The following FAM193A variants were observed in gnomAD, a reference collection of about 807,000 sequenced individuals.
The protein encoded by FAM193A is protein FAM193A.
A neutral mutation model predicts 126.5 loss-of-function variants in FAM193A; 22 were observed. The ratio of observed to expected loss-of-function variants is 0.17; its 90% CI spans 0.12 to 0.25. FAM193A has a LOEUF of 0.25. Ranked by LOEUF, FAM193A falls within the 10% of genes least tolerant of loss-of-function variation. The probability of loss-of-function intolerance (pLI) is 1.00; values close to 1 mark genes in which losing one functional copy is unlikely to be tolerated. For missense variants in FAM193A, 1,675 were observed against 1,672.8 expected, an observed-to-expected ratio of 1.00 and a Z score of -0.02; for synonymous variants, 761 against 646.8, an observed-to-expected ratio of 1.18 and a Z score of -2.68.
chr4:2,589,233 A>T (rs1420476921), intron 1 of FAM193A, among the ~76,000 whole-genome samples: 1 of 152,268 alleles, frequency 6.6e-6, no homozygotes, highest in Non-Finnish European at 1.5e-5. Flanking sequence ...ATGTAACTAT[A>T]GTTCCAGCAA....
intron 6 of FAM193A, among the ~76,000 whole-genome samples, chr4:2,640,275 C>G (rs1402264095): frequency 2.6e-5 from 4 of 152,158 alleles, no homozygotes; most frequent in African/African-American, 9.7e-5. Flanking sequence ...CCCACACATT[C>G]CGTTGCTACC....
chr4:2,622,003 C>A (rs1277060051), intron 2 of FAM193A, among the ~76,000 whole-genome samples: 1 of 152,008 alleles, frequency 6.6e-6, no homozygotes, highest in Non-Finnish European at 1.5e-5. Context: ...GCCTGTAATC[C>A]CAGCACTTTG....
At chr4:2,539,412 A>T in intron 1 of FAM193A, among the ~76,000 whole-genome samples, 1 of 152,182 alleles carries the variant, frequency 6.6e-6, no homozygotes, top group East Asian at 1.9e-4. Flanking sequence ...TTAAACTAGT[A>T]TGCATCAGGG....
chr4:2,553,903 C>T (rs1738100460), intron 1 of FAM193A, among the ~76,000 whole-genome samples: 1 of 152,026 alleles, frequency 6.6e-6, no homozygotes, highest in Non-Finnish European at 1.5e-5. Flanking sequence ...CTCTTTTTGC[C>T]TGCCACCATC....
chr4:2,631,135 C>T lies in FAM193A; in HGVS notation c.1004C>T (p.Ala335Val). 1 of 1,612,914 alleles carries T rather than the reference C, an allele frequency of 6.2e-7. No individual in the cohort carries two copies. The highest frequency in any genetic ancestry group is 8.5e-7 in the Non-Finnish European group (1 of 1,179,526). Reference protein sequence around the residue: ...LLEEYGALCQAARSISTFLGT... With the variant: ...LLEEYGALCQVARSISTFLGT... ...GAGGAGTACGGCGCCCTCTGCCAGG[C>T]CGCACGCTCCATCAGCACCTTCCTT... is the stretch of plus-strand genomic sequence containing the variant. The change falls in exon 5 of 21, where the codon GCC becomes GTC. Residue 335 changes from alanine to valine, a missense_variant. Around this residue, in one of 4 missense-constraint regions of FAM193A, gnomAD observed 1,186 missense variants for 1,109.2 expected, o/e 1.07. Transcript: ENST00000637812.
chr4:2,655,781 A>AG (rs1174714400), intron 7 of FAM193A, among the ~76,000 whole-genome samples: 1 of 152,006 alleles, frequency 6.6e-6, no homozygotes, highest in Non-Finnish European at 1.5e-5. Flanking sequence ...GGAAAAAAAA[A>AG]TTAGCCAGGT....
intron 7 of FAM193A, among the ~76,000 whole-genome samples, chr4:2,652,824 G>A (rs1745803188): frequency 6.6e-6 from 1 of 152,172 alleles, no homozygotes; most frequent in Non-Finnish European, 1.5e-5. Flanking sequence ...GGTGACTTCA[G>A]AAAAATAGTA....
chr4:2,561,520 C>T (rs1299425603), intron 1 of FAM193A, among the ~76,000 whole-genome samples: 3 of 110,770 alleles, frequency 2.7e-5, no homozygotes, highest in Non-Finnish European at 3.7e-5. Context: ...TTTTTGAGAC[C>T]GAGTCTCACT....
At chr4:2,650,201 C>G (rs749410694) in intron 7 of FAM193A, among the ~76,000 whole-genome samples, 1 of 152,170 alleles carries the variant, frequency 6.6e-6, no homozygotes, top group African/African-American at 2.4e-5. Flanking sequence ...CTTGAATCAT[C>G]CCAGAACCAT....
intron 1 of FAM193A, among the ~76,000 whole-genome samples, chr4:2,565,902 A>C (rs868391439): frequency 2.6e-5 from 4 of 152,192 alleles, no homozygotes; most frequent in African/African-American, 9.6e-5. Context: ...TTTTACATAA[A>C]GGTAAGTGGT....
intron 18 of FAM193A, among the ~76,000 whole-genome samples, chr4:2,697,654 G>A (rs1717187766): frequency 1.3e-5 from 2 of 152,352 alleles, no homozygotes; most frequent in South Asian, 4.1e-4. Context: ...GTTGTTACTT[G>A]TATCTTAGCT....
At chr4:2,606,054 T>TC (rs1367367890) in intron 2 of FAM193A, among the ~76,000 whole-genome samples, 2 of 115,042 alleles carry the variant, frequency 1.7e-5, no homozygotes, top group African/African-American at 6.5e-5. Flanking sequence ...TCTTTTTTTT[T>TC]TTTTTTTTTT....
chr4:2,624,837 C>T (rs1330227916), intron 2 of FAM193A, among the ~76,000 whole-genome samples: 1 of 152,194 alleles, frequency 6.6e-6, no homozygotes, highest in Admixed American at 6.5e-5. Context: ...CCGCCATGCC[C>T]AGCCGAATTG....
chr4:2,542,296 C>A (rs780274441), intron 1 of FAM193A, among the ~76,000 whole-genome samples: 5 of 152,108 alleles, frequency 3.3e-5, no homozygotes, highest in Admixed American at 1.3e-4. Context: ...TGAGCAACCA[C>A]GCCCGGCCAT....
intron 19 of FAM193A, among the ~76,000 whole-genome samples, chr4:2,701,512 C>G (rs529123461): frequency 1.4e-4 from 22 of 152,230 alleles, no homozygotes; most frequent in South Asian, 1.2e-3. Context: ...GGCGGCAACA[C>G]CACTGATGTG....
At chr4:2,686,163 T>C (rs1715716981) in intron 13 of FAM193A, among the ~76,000 whole-genome samples, 1 of 152,126 alleles carries the variant, frequency 6.6e-6, no homozygotes, top group African/African-American at 2.4e-5. Context: ...TTAAAGAAAA[T>C]ACAACTTTTT....
intron 1 of FAM193A, among the ~76,000 whole-genome samples, chr4:2,548,955 G>C (rs1255988229): frequency 6.7e-6 from 1 of 149,076 alleles, no homozygotes; most frequent in South Asian, 2.1e-4. Flanking sequence ...TTTGTTTTTG[G>C]TCAGACAGAG....
At chr4:2,718,731 A>T (rs1016225895) in intron 20 of FAM193A, among the ~76,000 whole-genome samples, 10 of 149,872 alleles carry the variant, frequency 6.7e-5, no homozygotes, top group Middle Eastern at 6.9e-3. Context: ...TCAAAAATAA[A>T]TTTTTTTTTT....
At chr4:2,572,798 A>T (rs78936680) in intron 1 of FAM193A, among the ~76,000 whole-genome samples, 40,249 of 137,586 alleles carry the variant, frequency 0.29, 5,818 homozygotes, top group Middle Eastern at 0.38. Flanking sequence ...TTTTTTTTTT[A>T]AAGACCTGGC....
Sources: allele counts gnomAD v4.1 joint callset (sites outside exome capture counted in the v4.1 genomes callset), GRCh38; gene constraint gnomAD v4.1.1; regional missense constraint gnomAD v4.1.1; transcripts MANE v1.5; gene names NCBI Gene and HGNC (gene_info 2026-07-23, HGNC 2026-07-21).